The following NCAM2 variants were observed in gnomAD, a reference collection of about 807,000 sequenced individuals.
NCAM2 encodes the protein neural cell adhesion molecule 2, also known as N-CAM-2.
A neutral mutation model predicts 98.1 loss-of-function variants in NCAM2; 30 were observed. That is an observed-to-expected ratio of 0.31 (90% confidence interval 0.23 to 0.41). The LOEUF (loss-of-function observed/expected upper bound fraction) is 0.41. Among genes scored for constraint, NCAM2 ranks in the 10% least tolerant of loss-of-function variants. The pLI, the probability that NCAM2 is intolerant of heterozygous loss-of-function variation, is 1.00. For synonymous variants in NCAM2, 368 were observed against 342.4 expected (o/e 1.07, Z -0.83); for missense variants, 867 against 1,005.8 (o/e 0.86, Z 1.87).
At chr21:21,349,767 C>A (rs2075284985) in intron 8 of NCAM2, among the ~76,000 whole-genome samples, 2 of 152,110 alleles carry the variant, frequency 1.3e-5, no homozygotes, top group Non-Finnish European at 2.9e-5. Context: ...CAGTCATTTG[C>A]AACAGCATGG....
At chr21:21,024,299 A>C (rs2064496368) in intron 1 of NCAM2, among the ~76,000 whole-genome samples, 1 of 152,156 alleles carries the variant, frequency 6.6e-6, no homozygotes, top group South Asian at 2.1e-4. Context: ...TATTTCTGGG[A>C]GCAGACACAC....
chr21:21,103,828 G>C (rs1199450803), intron 1 of NCAM2, among the ~76,000 whole-genome samples: 1 of 152,060 alleles, frequency 6.6e-6, no homozygotes, highest in Non-Finnish European at 1.5e-5. Context: ...TTTTGTTTTT[G>C]TGTGTTAATG....
rs1461760924 is a variant in NCAM2 at position 21,026,862 on chromosome 21, T to C, written c.55+28244T>C. The stretch of plus-strand genomic sequence containing the variant: ...TTTTCTTTTCTTCTTCTTCTTTTTT[T>C]TTTTTTTTTTTTGAGACAGCATCTC... On this transcript the variant is annotated intron_variant, in intron 1 of 17. Transcript: ENST00000400546. Among the ~76,000 whole-genome samples, 69 of 148,432 alleles carry C rather than the reference T, an allele frequency of 4.6e-4. 1 individual carries two copies. The highest frequency in any genetic ancestry group is 2.0e-3 in the Admixed American group (30 of 14,948).
chr21:21,284,993 G>A (rs1366533230), intron 3 of NCAM2, among the ~76,000 whole-genome samples: 1 of 151,596 alleles, frequency 6.6e-6, no homozygotes, highest in Non-Finnish European at 1.5e-5. Flanking sequence ...AACCTGTTTA[G>A]GAACATTGAA....
At chr21:21,326,656 A>G (rs1241060974) in intron 6 of NCAM2, among the ~76,000 whole-genome samples, 2 of 152,188 alleles carry the variant, frequency 1.3e-5, no homozygotes, top group Non-Finnish European at 2.9e-5. Context: ...TTCAAAGAAT[A>G]ATATAATGAG....
At chr21:21,193,313 T>G (rs1382994788) in intron 1 of NCAM2, among the ~76,000 whole-genome samples, 4 of 152,114 alleles carry the variant, frequency 2.6e-5, no homozygotes, top group Non-Finnish European at 4.4e-5. Flanking sequence ...TGTAAATTCT[T>G]CCTGTTATAG....
chr21:21,274,453 T>A (rs2072645866), intron 1 of NCAM2, among the ~76,000 whole-genome samples: 1 of 152,206 alleles, frequency 6.6e-6, no homozygotes, highest in Non-Finnish European at 1.5e-5. Flanking sequence ...TGAAATTGTT[T>A]GAATATTGTA....
intron 1 of NCAM2, among the ~76,000 whole-genome samples, chr21:21,234,427 A>C (rs1348251755): frequency 6.6e-6 from 1 of 151,984 alleles, no homozygotes; most frequent in Non-Finnish European, 1.5e-5. Context: ...ATATATATTA[A>C]ATATACACTT....
chr21:21,470,900 A>T (rs1184757145), intron 14 of NCAM2, among the ~76,000 whole-genome samples: 6 of 152,074 alleles, frequency 3.9e-5, no homozygotes, highest in Non-Finnish European at 8.8e-5. Context: ...TGCAAAGGGA[A>T]TGATTCCATA....
intron 1 of NCAM2, among the ~76,000 whole-genome samples, chr21:21,214,054 A>G (rs752353088): frequency 1.3e-5 from 2 of 152,182 alleles, no homozygotes; most frequent in African/African-American, 2.4e-5. Flanking sequence ...CAACCTGGTA[A>G]GACATAACAA....
At chr21:21,405,380 C>T (rs993409970) in intron 9 of NCAM2, among the ~76,000 whole-genome samples, 1 of 152,038 alleles carries the variant, frequency 6.6e-6, no homozygotes, top group Non-Finnish European at 1.5e-5. Flanking sequence ...GAGGTAACAA[C>T]CTAATTTCTT....
At chr21:21,522,618 T>C (rs953068980) in intron 16 of NCAM2, among the ~76,000 whole-genome samples, 3 of 90,834 alleles carry the variant, frequency 3.3e-5, no homozygotes, top group Non-Finnish European at 6.4e-5. Flanking sequence ...AGTTCTTTTT[T>C]TCTTTTTCTT....
chr21:21,138,922 G>A (rs888968015), intron 1 of NCAM2, among the ~76,000 whole-genome samples: 1 of 152,014 alleles, frequency 6.6e-6, no homozygotes, highest in Non-Finnish European at 1.5e-5. Context: ...TTTTGTTCAG[G>A]TTATGGTATT....
At chr21:21,154,931 CT>C (rs1293962324) in intron 1 of NCAM2, among the ~76,000 whole-genome samples, 2 of 151,614 alleles carry the variant, frequency 1.3e-5, no homozygotes, top group Admixed American at 6.6e-5. Context: ...AGGGAGTGGG[CT>C]TTTGCTATGG....
At chr21:21,015,850 C>A (rs1041156001) in intron 1 of NCAM2, among the ~76,000 whole-genome samples, 41 of 152,148 alleles carry the variant, frequency 2.7e-4, no homozygotes, top group Middle Eastern at 6.8e-3. Context: ...ATTACAGGCG[C>A]CTGCCACCAT....
chr21:21,229,596 C>T (rs896965530), intron 1 of NCAM2, among the ~76,000 whole-genome samples: 5 of 151,376 alleles, frequency 3.3e-5, no homozygotes, highest in African/African-American at 9.7e-5. Context: ...GTTGCATAGC[C>T]GGGAAGTGGT....
chr21:21,060,046 A>C (rs2065289986), intron 1 of NCAM2, among the ~76,000 whole-genome samples: 1 of 152,086 alleles, frequency 6.6e-6, no homozygotes, highest in African/African-American at 2.4e-5. Flanking sequence ...TCAGCCATTC[A>C]CATGTCTGAA....
chr21:21,116,849 C>T (rs867884618), intron 1 of NCAM2, among the ~76,000 whole-genome samples: 1 of 150,178 alleles, frequency 6.7e-6, no homozygotes, highest in South Asian at 2.1e-4. Flanking sequence ...AGCCAGACTC[C>T]GTCTCAAAAG....
At chr21:21,042,070 T>C (rs1372013974) in intron 1 of NCAM2, among the ~76,000 whole-genome samples, 1 of 152,180 alleles carries the variant, frequency 6.6e-6, no homozygotes, top group East Asian at 1.9e-4. Context: ...ATAACACATA[T>C]ACAAAGGCAG....
Sources: allele counts gnomAD v4.1 joint callset (sites outside exome capture counted in the v4.1 genomes callset), GRCh38; gene constraint gnomAD v4.1.1; transcripts MANE v1.5; gene names NCBI Gene and HGNC (gene_info 2026-07-23, HGNC 2026-07-21).